MATR3: variants seen among roughly 807,000 people sequenced by gnomAD.
MATR3 encodes matrin 3, also known as matrin-3.
A neutral mutation model predicts 85.5 loss-of-function variants in MATR3; 4 were observed. That is an observed-to-expected ratio of 0.05 (90% CI 0.02 to 0.11). The LOEUF is 0.11. MATR3 is among the 10% of genes least tolerant of loss of function. The pLI is 1.00. For missense variants in MATR3, 685 were observed against 1,016.1 expected, an observed-to-expected ratio of 0.67 and a Z score of 4.43; for synonymous variants, 336 against 343.1, an observed-to-expected ratio of 0.98 and a Z score of 0.23.
At chr5:139,309,710 T>G (rs1299401129) in intron 2 of MATR3, among the ~76,000 whole-genome samples, 1 of 152,244 alleles carries the variant, frequency 6.6e-6, no homozygotes, top group Non-Finnish European at 1.5e-5. Context: ...ATGTTTTGGG[T>G]GTTACCTTTT....
At chr5:139,323,833 G>T (rs1641895154) in intron 12 of MATR3, among the ~76,000 whole-genome samples, 1 of 152,050 alleles carries the variant, frequency 6.6e-6, no homozygotes, top group South Asian at 2.1e-4. Flanking sequence ...AGAAGTTGCA[G>T]TTAGCCAAGA....
chr5:139,277,466 C>CTCAACTAAATGTGAG (rs1753328659), intron 2 of MATR3, among the ~76,000 whole-genome samples: 2 of 152,156 alleles, frequency 1.3e-5, no homozygotes, highest in African/African-American at 4.8e-5. Context: ...ATAGGATTCT[C>CTCAACTAAATGTGAG]TCAACTAAAT....
chr5:139,293,687 G>GGCTGCAGCC, upstream of MATR3: 1 of 308,482 alleles, frequency 3.2e-6, no homozygotes. Flanking sequence ...TTTGTTCTTG[G>GGCTGCAGCC]GCTGCAGCCG....
chr5:139,314,118 T>C (rs1327357172), intron 2 of MATR3: 3 of 155,686 alleles, frequency 1.9e-5, no homozygotes, highest in South Asian at 1.9e-4. Flanking sequence ...GGTTTCGCCA[T>C]GTTGGCTAGG....
intron 1 of MATR3, among the ~76,000 whole-genome samples, chr5:139,302,301 A>G (rs1350783558): frequency 6.6e-6 from 1 of 152,190 alleles, no homozygotes; most frequent in East Asian, 1.9e-4. Flanking sequence ...TACATGCCAT[A>G]CTGAGATGAG....
chr5:139,288,375 G>T (rs1459641070), intron 3 of MATR3, among the ~76,000 whole-genome samples: 4 of 152,112 alleles, frequency 2.6e-5, no homozygotes, highest in Admixed American at 6.5e-5. Context: ...TTCTCTGCAC[G>T]ATCACCAGAT....
chr5:139,300,464 C>T (rs1272217165), intron 1 of MATR3, among the ~76,000 whole-genome samples: 1 of 152,150 alleles, frequency 6.6e-6, no homozygotes, highest in Non-Finnish European at 1.5e-5. Context: ...GACTACGGTG[C>T]AGATAAAAAG....
intron 12 of MATR3, 26 bp from the exon 13 acceptor site, chr5:139,325,414 A>G (rs754934499): frequency 5.1e-6 from 8 of 1,556,128 alleles, no homozygotes; most frequent in Admixed American, 3.4e-5. Flanking sequence ...GGTGACAAAA[A>G]TGATGATGGT....
intron 2 of MATR3, among the ~76,000 whole-genome samples, chr5:139,277,633 T>C (rs999717200): frequency 6.6e-6 from 1 of 151,992 alleles, no homozygotes; most frequent in Non-Finnish European, 1.5e-5. Context: ...CCTGAGGCTA[T>C]AGAAATTGGG....
chr5:139,293,453 G>C (rs1257205288), upstream of MATR3: 3 of 152,618 alleles, frequency 2.0e-5, no homozygotes, highest in African/African-American at 7.2e-5. Flanking sequence ...TGCTATTCAG[G>C]AGGTTGACAA....
intron 3 of MATR3, chr5:139,280,649 A>G (rs1581199472): frequency 6.6e-6 from 1 of 152,222 alleles, no homozygotes; most frequent in Non-Finnish European, 1.5e-5. Context: ...AAACTCAGCC[A>G]CAATCTCAGT....
chr5:139,301,057 C>T (rs1018650037), intron 1 of MATR3, among the ~76,000 whole-genome samples: 2 of 152,120 alleles, frequency 1.3e-5, no homozygotes, highest in African/African-American at 4.8e-5. Flanking sequence ...TTAAGTGATT[C>T]TCCCACCTCA....
Position 139,331,503 on chromosome 5 carries a change from G to C in MATR3, c.*2108G>C, listed in dbSNP as rs1159559714. The C allele has an allele frequency of 6.6e-6, 3 of 453,984 alleles. No individual in the cohort carries two copies. The highest frequency in any genetic ancestry group is 1.3e-5 in the Non-Finnish European group (3 of 226,802). 28.1% of individuals were successfully genotyped at this position (453,984 alleles called of 1,614,324 possible). On this transcript the variant is annotated 3_prime_UTR_variant, in exon 15 of 15. Coordinates refer to ENST00000394805, the MANE Select transcript of MATR3 (RefSeq NM_018834.6). The stretch of plus-strand genomic sequence containing the variant: ...TAGAAATCAGAAATTATAATAAGCT[G>C]TTAGTGATAAATCTGTAACAGCCCT...
intron 1 of MATR3, among the ~76,000 whole-genome samples, chr5:139,304,013 C>G (rs939234695): frequency 6.6e-6 from 1 of 152,116 alleles, no homozygotes; most frequent in East Asian, 1.9e-4. Context: ...TAACAAAAAT[C>G]AGATTCTCAT....
intron 8 of MATR3, 132 bp from the exon 9 acceptor site, chr5:139,319,202 C>G: frequency 7.8e-7 from 1 of 1,279,614 alleles, no homozygotes; most frequent in Non-Finnish European, 1.1e-6. Context: ...CCAGGAGTTC[C>G]AGGCAAGCCT....
At chr5:139,320,778 C>T (rs1310289441) in intron 9 of MATR3, among the ~76,000 whole-genome samples, 6 of 124,042 alleles carry the variant, frequency 4.8e-5, no homozygotes, top group Admixed American at 2.9e-4. Flanking sequence ...GACAGAGTCT[C>T]GCTCTGTCAC....
intron 1 of MATR3, among the ~76,000 whole-genome samples, chr5:139,305,740 CAAATTCAT>C (rs1754674099): frequency 1.3e-5 from 2 of 152,112 alleles, no homozygotes; most frequent in South Asian, 4.1e-4. Context: ...TGTATTTTCT[CAAATTCAT>C]CTTTCTTGGT....
chr5:139,294,134 G>C (rs1190929378), intron 1 of MATR3: 1 of 1,121,732 alleles, frequency 8.9e-7, no homozygotes, highest in African/African-American at 1.6e-5. Context: ...TGCGCGTCCT[G>C]GGCTCGTTGT....
intron 14 of MATR3, among the ~76,000 whole-genome samples, chr5:139,327,344 C>CTA (rs148716522): frequency 0.035 from 5,339 of 150,706 alleles, 159 homozygotes; most frequent in South Asian, 0.12. Flanking sequence ...TCTTTGCCAC[C>CTA]TATATGTCTT....
Sources: gnomAD v4.1 joint callset for allele counts (sites outside exome capture counted in the v4.1 genomes callset) on GRCh38, gnomAD v4.1.1 for gene constraint, MANE v1.5 for transcripts, NCBI Gene and HGNC (gene_info 2026-07-23, HGNC 2026-07-21) for gene names.